KLB: variants seen among roughly 807,000 people sequenced by gnomAD.
KLB encodes beta-klotho.
In KLB, 44 loss-of-function variants were observed where a neutral mutation model predicts 88.4. The observed-to-expected ratio is 0.50, with a 90% CI of 0.39 to 0.64. The LOEUF (loss-of-function observed/expected upper bound fraction) is 0.64. KLB is among the 30% of genes least tolerant of loss of function. The pLI is 0.00. For synonymous variants in KLB, 548 were observed against 513.4 expected (o/e 1.07, Z -0.91); for missense variants, 1,137 against 1,304.8 (o/e 0.87, Z 1.98).
rs750912641 is a variant in KLB, at chr4:39,447,472, A to C, written c.2746A>C (p.Lys916Gln). Residue 916 changes from lysine (K) to glutamine (Q), a missense_variant, in exon 4 of 5, where the codon AAA becomes CAA. This residue lies in a region of KLB where 426 missense variants were observed against 404.6 expected (regional missense o/e 1.05). Transcript: ENST00000257408. Reference sequence around the variant, plus strand: ...AGGGAAGTACCTTCAGGAGGTGCTGAAAGGTAAGGGCGGGGCCCCTTCAGA... The same window carrying C: ...AGGGAAGTACCTTCAGGAGGTGCTGCAAGGTAAGGGCGGGGCCCCTTCAGA... The part of the protein sequence containing the change: ...YLGKYLQEVL[K>Q]AYLIDKVRIK... 3.2e-6 allele frequency: 5 copies of C among 1,570,566 alleles called. No individual in the cohort carries two copies. The Admixed American group carries it at 8.9e-5, about 28-fold the overall frequency.
intron 1 of KLB, among the ~76,000 whole-genome samples, chr4:39,422,902 G>A (rs1462985868): frequency 1.3e-5 from 2 of 149,140 alleles, no homozygotes; most frequent in Non-Finnish European, 2.9e-5. Context: ...GAGTAGCTGG[G>A]ACTACAGGCG....
At chr4:39,434,964 G>A (rs1477557095) in intron 2 of KLB, among the ~76,000 whole-genome samples, 1 of 147,002 alleles carries the variant, frequency 6.8e-6, no homozygotes, top group Non-Finnish European at 1.5e-5. Flanking sequence ...CCACCACCAC[G>A]CCCAGCTAAT....
In KLB at chr4:39,446,588, G is replaced by A. The variant is rs2109845935; in HGVS notation, c.1862G>A (p.Arg621Lys). ...TCCGCGGTGAACCGACAGGCCCTGA[G>A]GTACTACAGGTGCGTGGTCAGTGAG... ...NLSAVNRQAL[R>K]YYRCVVSEGL... is the part of the protein sequence containing the mutation. Residue 621 changes from arginine to lysine, a missense_variant, in exon 4 of 5, where the codon AGG becomes AAG. Arg to Lys is a conservative substitution (Grantham distance 26). Transcript: ENST00000257408. This position sits in a 1 kb window ranked among gnomAD's most constrained non-coding sequence, Gnocchi z 6.4. 2 of 1,614,224 alleles carry A rather than the reference G, an allele frequency of 1.2e-6. No individual in the cohort carries two copies. Among genetic ancestry groups the A allele is most frequent in the East Asian group, 4.5e-5 (2 of 44,882 alleles).
chr4:39,416,916 G>C (rs879522264), intron 1 of KLB, among the ~76,000 whole-genome samples: 13 of 151,994 alleles, frequency 8.6e-5, no homozygotes, highest in Non-Finnish European at 1.8e-4. Context: ...TGTTTCTTAG[G>C]CACATTTAAG....
intron 3 of KLB, among the ~76,000 whole-genome samples, chr4:39,439,660 T>C (rs1302029547): frequency 6.9e-6 from 1 of 145,142 alleles, no homozygotes; most frequent in African/African-American, 2.7e-5. Flanking sequence ...CCTGGCAAAT[T>C]TTTCTTTTTT....
At chr4:39,436,602 G>A (rs1304820176) in intron 2 of KLB, among the ~76,000 whole-genome samples, 1 of 152,206 alleles carries the variant, frequency 6.6e-6, no homozygotes, top group Non-Finnish European at 1.5e-5. Context: ...ATGCAGAGAT[G>A]AGGAGGCATT....
rs142222963 is a variant in KLB at position 39,450,244 on chromosome 4, T to C, written c.*1558T>C. On this transcript the variant is annotated 3_prime_UTR_variant, in exon 5 of 5. Transcript: ENST00000257408. ...TGCACCTATTTATACCTATTCTTTC[T>C]TTAGGTCAACATTTAACACCCACTG... is the stretch of plus-strand genomic sequence containing the variant. The C allele has an allele frequency of 2.0e-4, 30 of 152,356 alleles. No homozygotes were observed. The highest frequency in any genetic ancestry group is 6.5e-4 in the African/African-American group (27 of 41,584). The allele number at this position is 152,356 out of a possible 1,614,324, so 9.4% of individuals were successfully genotyped here.
In KLB at chr4:39,446,191, C is replaced by A; in HGVS notation, c.1606-141C>A. The stretch of plus-strand genomic sequence containing the variant: ...TGTGGCTCCTTCTCTGTTTTCTGGT[C>A]TCCTTGGGAGATTTCAAGGGCTGGA... On this transcript the variant is annotated intron_variant, in intron 3 of 4. Transcript: ENST00000257408. This position sits in a 1 kb window ranked among gnomAD's most constrained non-coding sequence, Gnocchi z 6.4. 1.4e-6 allele frequency: 1 copy of A among 706,470 alleles called. No homozygotes were observed. Among genetic ancestry groups the A allele is most frequent in the Non-Finnish European group, 2.3e-6 (1 of 435,484 alleles). The allele number at this position is 706,470 out of a possible 1,614,324, so 43.8% of individuals were successfully genotyped here.
rs1743776304 is a variant in KLB at position 39,447,309 on chromosome 4, C to G, written c.2583C>G (p.Arg861=). The G allele has an allele frequency of 6.2e-7, 1 of 1,614,128 alleles. No homozygotes were observed. The highest frequency in any genetic ancestry group is 8.5e-7 in the Non-Finnish European group (1 of 1,180,012). ...TCACCCGCCTGAGCTCCCCCACGCG[C>G]CTGGCTGTGATTCCCTGGGGGGTGC... The part of the protein sequence containing the change: ...QDITRLSSPT[R]LAVIPWGVRK... The change falls in exon 4 of 5, where the codon CGC becomes CGG. Residue 861 remains arginine, a synonymous_variant. Transcript: ENST00000257408.
At position 39,407,571 on chromosome 4, in the gene KLB, G is replaced by A. The variant is rs1742758473; in HGVS notation, c.622G>A (p.Gly208Arg). Reference sequence around the variant, plus strand: ...TTTGGCACTACAAGAAAAATATGGGGGGTGGAAAAATGATACCATAATAGA... The same window carrying A: ...TTTGGCACTACAAGAAAAATATGGGAGGTGGAAAAATGATACCATAATAGA... ...LPLALQEKYGGWKNDTIIDIF... is the reference protein window; with the variant it reads ...LPLALQEKYGRWKNDTIIDIF... The change falls in exon 1 of 5, where the codon GGG becomes AGG. Residue 208 changes from glycine (G) to arginine (R), a missense_variant. Coordinates refer to ENST00000257408, the MANE Select transcript of KLB (RefSeq NM_175737.4). 6.2e-7 allele frequency: 1 copy of A among 1,614,018 alleles called. No homozygotes were observed. Among genetic ancestry groups the A allele is most frequent in the Non-Finnish European group, 8.5e-7 (1 of 1,179,936 alleles).
intron 1 of KLB, among the ~76,000 whole-genome samples, chr4:39,429,628 G>C (rs1743298625): frequency 6.6e-6 from 1 of 152,182 alleles, no homozygotes; most frequent in East Asian, 1.9e-4. Flanking sequence ...GAGGTAGATG[G>C]CTTTGTACAA....
At chr4:39,417,735 C>T (rs1334833680) in intron 1 of KLB, among the ~76,000 whole-genome samples, 1 of 152,158 alleles carries the variant, frequency 6.6e-6, no homozygotes, top group African/African-American at 2.4e-5. Context: ...ACTTTTATTG[C>T]ATACATACTG....
chr4:39,444,639 G>A (rs1360733259), intron 3 of KLB, among the ~76,000 whole-genome samples: 7 of 152,162 alleles, frequency 4.6e-5, no homozygotes, highest in Admixed American at 2.6e-4. Context: ...GGTTTTTAAC[G>A]TAAGACATTT....
Position 39,434,367 on chromosome 4 carries a change from G to A in KLB, c.983G>A (p.Gly328Glu). The change falls in exon 2 of 5, where the codon GGA (glycine) becomes GAA (glutamate). Residue 328 changes from glycine (G) to glutamate (E), a missense_variant. Physicochemically the swap from Gly to Glu is moderately conservative, Grantham distance 98. This residue lies in a region of KLB where 597 missense variants were observed against 765.2 expected (regional missense o/e 0.78). Transcript: ENST00000257408. Reference sequence around the variant, plus strand: ...CAACAATCCATGGTTTCTGTGCTTGGATGGTTTGCCAACCCTATCCATGGG... The same window carrying A: ...CAACAATCCATGGTTTCTGTGCTTGAATGGTTTGCCAACCCTATCCATGGG... ...KCQQSMVSVL[G>E]WFANPIHGDG... is the part of the protein sequence containing the mutation. 1 of 1,614,134 alleles carries A rather than the reference G, an allele frequency of 6.2e-7. No homozygotes were observed. Among genetic ancestry groups the A allele is most frequent in the Non-Finnish European group, 8.5e-7 (1 of 1,180,038 alleles).
intron 1 of KLB, among the ~76,000 whole-genome samples, chr4:39,433,374 T>C (rs1050771004): frequency 6.6e-6 from 1 of 152,316 alleles, no homozygotes; most frequent in South Asian, 2.1e-4. Flanking sequence ...ATAGCAATAA[T>C]AGCTAAGGCT....
At position 39,411,638 on chromosome 4, in the gene KLB, G is replaced by A. The variant is rs112683257; in HGVS notation, c.825+3864G>A. 5.9e-3 allele frequency among the ~76,000 whole-genome samples: 897 copies of A among 151,658 alleles called. 10 individuals carry two copies. Among genetic ancestry groups the A allele is most frequent in the African/African-American group, 0.021 (850 of 41,362 alleles). ...GGATTCAAGCGATTCTCCCGCCTCA[G>A]CCTCCCGAGTAGCTGGGATTACAGG... is the stretch of plus-strand genomic sequence containing the variant. On this transcript the variant is annotated intron_variant, in intron 1 of 4. Coordinates refer to ENST00000257408, the MANE Select transcript of KLB (RefSeq NM_175737.4).
rs750223128 is a variant in KLB, at chr4:39,448,450, T to G, written c.2899T>G (p.Phe967Val). Residue 967 changes from phenylalanine (F) to valine (V), a missense_variant, in exon 5 of 5, where the codon TTC (phenylalanine) becomes GTC (valine). Transcript: ENST00000257408. ...CAACAAAGTGATCAGCAGCAGGGGCTTCCCTTTTGAGAACAGTAGTTCTAG... is the reference window on the plus strand; with the variant it reads ...CAACAAAGTGATCAGCAGCAGGGGCGTCCCTTTTGAGAACAGTAGTTCTAG... ...FYNKVISSRG[F>V]PFENSSSRCS... 6.2e-6 allele frequency: 10 copies of G among 1,614,166 alleles called. No homozygotes were observed. Among genetic ancestry groups the G allele is most frequent in the Non-Finnish European group, 8.5e-6 (10 of 1,180,012 alleles).
At chr4:39,427,482 C>CAAA (rs35351344) in intron 1 of KLB, among the ~76,000 whole-genome samples, 3 of 117,944 alleles carry the variant, frequency 2.5e-5, no homozygotes, top group African/African-American at 9.6e-5. Context: ...GACTCTGTCT[C>CAAA]AAAAAAAAAA....
At chr4:39,435,734 G>A (rs1023589097) in intron 2 of KLB, among the ~76,000 whole-genome samples, 2 of 152,098 alleles carry the variant, frequency 1.3e-5, no homozygotes, top group African/African-American at 4.8e-5. Context: ...CCATTGTATT[G>A]TCCAATGTTG....
Sources: allele counts gnomAD v4.1 joint callset (sites outside exome capture counted in the v4.1 genomes callset), GRCh38; gene constraint gnomAD v4.1.1; regional missense constraint gnomAD v4.1.1; non-coding constraint Gnocchi (gnomAD v3.1); transcripts MANE v1.5; gene names NCBI Gene and HGNC (gene_info 2026-07-23, HGNC 2026-07-21).